Variants in TMEM63C observed in about 807,000 individuals in gnomAD.
TMEM63C encodes the protein osmosensitive cation channel TMEM63C.
Under a neutral mutation model 99.2 loss-of-function variants are expected in TMEM63C, and 32 were observed. The ratio of observed to expected loss-of-function variants is 0.32; its 90% CI spans 0.24 to 0.43. The LOEUF is 0.43. Ranked by LOEUF, TMEM63C falls within the 20% of genes least tolerant of loss-of-function variation. The pLI is 1.00. For synonymous variants in TMEM63C, 376 were observed against 397.9 expected, an observed-to-expected ratio of 0.94 and a Z score of 0.66; for missense variants, 826 against 1,053.0, an observed-to-expected ratio of 0.78 and a Z score of 2.98.
intron 1 of TMEM63C, among the ~76,000 whole-genome samples, chr14:77,191,538 C>CTTTTTTTTTTTTTTTTTTTTTTTT (rs71125542): frequency 4.2e-4 from 35 of 82,600 alleles, no homozygotes; most frequent in African/African-American, 6.5e-4. Context: ...TTTTCTTTTT[C>CTTTTTTTTTTTTTTTTTTTTTTTT]TTTTTTTTTT....
rs950970458 is a variant in TMEM63C, at chr14:77,184,866, C to T, written c.-77+2972C>T. 9.9e-5 allele frequency among the ~76,000 whole-genome samples: 15 copies of T among 152,274 alleles called. 1 individual carries two copies. In the South Asian group the frequency reaches 2.9e-3, roughly 29 times the overall value. On this transcript the variant is annotated intron_variant, in intron 1 of 23. Coordinates refer to ENST00000298351, the MANE Select transcript of TMEM63C (RefSeq NM_020431.4). ...GCTCACGAAGTATGGTGTGTCCTTG[C>T]TCTAGATCTGTCTGCATTGCTTAGG...
At chr14:77,194,753 T>G (rs1226307214) in intron 1 of TMEM63C, among the ~76,000 whole-genome samples, 2 of 135,528 alleles carry the variant, frequency 1.5e-5, no homozygotes, top group East Asian at 2.2e-4. Flanking sequence ...TTTTTTTTTT[T>G]GTACTTTTTG....
chr14:77,248,053 CCCTTGCTTTG>C (rs1350890399), intron 18 of TMEM63C, among the ~76,000 whole-genome samples: 2 of 152,216 alleles, frequency 1.3e-5, no homozygotes, highest in African/African-American at 4.8e-5. Flanking sequence ...GGCTCAGACA[CCCTTGCTTTG>C]GATCAAGCCA....
chr14:77,235,364 G>A (rs1297748010), intron 8 of TMEM63C, among the ~76,000 whole-genome samples: 1 of 139,698 alleles, frequency 7.2e-6, no homozygotes, highest in African/African-American at 2.8e-5. Context: ...ATAGGTGAGA[G>A]GGGAGGATCC....
intron 12 of TMEM63C, among the ~76,000 whole-genome samples, chr14:77,240,083 C>T (rs1357358329): frequency 6.6e-6 from 1 of 152,198 alleles, no homozygotes; most frequent in Non-Finnish European, 1.5e-5. Context: ...CTTGTCTTAT[C>T]ACCTGACCAC....
At chr14:77,247,842 T>C (rs56245630) in intron 18 of TMEM63C, among the ~76,000 whole-genome samples, 27,957 of 152,214 alleles carry the variant, frequency 0.18, 2,990 homozygotes, top group African/African-American at 0.29. Context: ...TGACCTCAGG[T>C]GATCTGCTCA....
In TMEM63C at chr14:77,240,547, G is replaced by C. The variant is rs769038998; in HGVS notation, c.1003G>C (p.Val335Leu). The change falls in exon 13 of 24, where the codon GTG becomes CTG. Residue 335 changes from valine to leucine, a missense_variant. Transcript: ENST00000298351. ...CGAGTTCAACGCCGAGCTCAACCGCGTGCCGCTCAAGCGGCTGGACCTGAT... is the reference window on the plus strand; with the variant it reads ...CGAGTTCAACGCCGAGCTCAACCGCCTGCCGCTCAAGCGGCTGGACCTGAT... Reference protein sequence around the residue: ...TDEFNAELNRVPLKRLDLIFV... With the variant: ...TDEFNAELNRLPLKRLDLIFV... 2.5e-6 allele frequency: 4 copies of C among 1,611,974 alleles called. No homozygotes were observed. Among genetic ancestry groups the C allele is most frequent in the Admixed American group, 1.7e-5 (1 of 60,008 alleles).
intron 8 of TMEM63C, 81 bp downstream of exon 8, chr14:77,233,581 C>A: frequency 2.0e-6 from 3 of 1,468,774 alleles, no homozygotes; most frequent in Non-Finnish European, 2.8e-6. Context: ...CAGTTTGCAA[C>A]ATGGGCAGCG....
chr14:77,202,655 C>T (rs1888317640), intron 1 of TMEM63C, among the ~76,000 whole-genome samples: 1 of 152,178 alleles, frequency 6.6e-6, no homozygotes, highest in Non-Finnish European at 1.5e-5. Context: ...ATTCAGGGGC[C>T]ACCCTCATCA....
chr14:77,219,020 T>C (rs1420162302), intron 3 of TMEM63C, 57 bp downstream of exon 3: 70 of 1,446,200 alleles, frequency 4.8e-5, no homozygotes, highest in Non-Finnish European at 6.3e-5. Context: ...GGTCGAACTT[T>C]CACAGGTGAT....
chr14:77,254,380 A>C (rs1279671697), intron 23 of TMEM63C, among the ~76,000 whole-genome samples: 1 of 152,178 alleles, frequency 6.6e-6, no homozygotes, highest in African/African-American at 2.4e-5. Flanking sequence ...GGTTTGCCTC[A>C]CTTTGAAAAA....
chr14:77,198,298 C>G (rs1888243339), intron 1 of TMEM63C, among the ~76,000 whole-genome samples: 1 of 152,240 alleles, frequency 6.6e-6, no homozygotes, highest in South Asian at 2.1e-4. Flanking sequence ...TCAGCTAGCT[C>G]CATCCTGCAT....
At chr14:77,229,884 C>T (rs1235774239) in intron 6 of TMEM63C, among the ~76,000 whole-genome samples, 1 of 151,930 alleles carries the variant, frequency 6.6e-6, no homozygotes, top group Non-Finnish European at 1.5e-5. Flanking sequence ...ATAGCATGCA[C>T]ATGGAAAAGT....
chr14:77,256,184 G>A (rs1889458101), intron 23 of TMEM63C, among the ~76,000 whole-genome samples: 1 of 152,218 alleles, frequency 6.6e-6, no homozygotes. Context: ...TCAGGAAAGA[G>A]GGTCTCTCCA....
At chr14:77,194,535 TTC>T (rs879892483) in intron 1 of TMEM63C, among the ~76,000 whole-genome samples, 4,879 of 31,762 alleles carry the variant, frequency 0.15, 289 homozygotes, top group Admixed American at 0.19. Flanking sequence ...CTTTCTTTCT[TTC>T]TTTCTTTCTT....
Position 77,207,983 on chromosome 14 carries a change from GC to G in TMEM63C, c.-76-5457del, listed in dbSNP as rs1183265969. Among the ~76,000 whole-genome samples the G allele has an allele frequency of 5.3e-5, 8 of 152,260 alleles. No homozygotes were observed. In the East Asian group the frequency reaches 1.4e-3, roughly 26 times the overall value. The stretch of plus-strand genomic sequence containing the variant: ...TGATCAGGAGGGGGCTGTGGAACCA[GC>G]CCCCCAGCTCAGGCCCTAACTTCAC... On this transcript the variant is annotated intron_variant, in intron 1 of 23. Coordinates refer to ENST00000298351, the MANE Select transcript of TMEM63C (RefSeq NM_020431.4).
At position 77,237,170 on chromosome 14, in the gene TMEM63C, C is replaced by T. The variant is rs530586930; in HGVS notation, c.651+438C>T. ...TCCCCAGGGACTCTTGGACTTCCCA[C>T]CATCTGAAAACTAAAGGATTAACAA... On this transcript the variant is annotated intron_variant, in intron 9 of 23. Transcript: ENST00000298351. Among the ~76,000 whole-genome samples, 20 of 152,278 alleles carry T rather than the reference C, an allele frequency of 1.3e-4. No homozygotes were observed. The East Asian group carries it at 2.3e-3, about 18-fold the overall frequency.
intron 1 of TMEM63C, among the ~76,000 whole-genome samples, chr14:77,182,487 G>C (rs1215732680): frequency 6.6e-6 from 1 of 152,194 alleles, no homozygotes. Context: ...GTTGTGTTTG[G>C]ATGAAGGCCC....
At chr14:77,228,522 TA>T (rs1262027435) in intron 6 of TMEM63C, among the ~76,000 whole-genome samples, 1 of 150,720 alleles carries the variant, frequency 6.6e-6, no homozygotes, top group Non-Finnish European at 1.5e-5. Context: ...CCTTTTGTAG[TA>T]TTGTTTAAAA....
Sources: gnomAD v4.1 joint callset for allele counts (sites outside exome capture counted in the v4.1 genomes callset) on GRCh38, gnomAD v4.1.1 for gene constraint, MANE v1.5 for transcripts, NCBI Gene and HGNC (gene_info 2026-07-23, HGNC 2026-07-21) for gene names.